Variants in YWHAE observed in about 807,000 individuals in gnomAD.
The protein encoded by YWHAE is tyrosine 3-monooxygenase/tryptophan 5-monooxygenase activation protein epsilon, also known as 14-3-3 protein epsilon.
In YWHAE, 4 loss-of-function variants were observed where a neutral mutation model predicts 30.1. The ratio of observed to expected loss-of-function variants is 0.13; its 90% confidence interval spans 0.07 to 0.30. The LOEUF (loss-of-function observed/expected upper bound fraction) is 0.30, where lower values mean the gene tolerates loss of function less well. YWHAE is among the 10% of genes least tolerant of loss of function. The pLI, the probability that YWHAE is intolerant of heterozygous loss-of-function variation, is 1.00. For synonymous variants in YWHAE, 118 were observed against 111.8 expected, an observed-to-expected ratio of 1.06 and a Z score of -0.35; for missense variants, 121 against 315.9, an observed-to-expected ratio of 0.38 and a Z score of 4.68.
intron 1 of YWHAE, among the ~76,000 whole-genome samples, chr17:1,373,183 C>CG (rs2150861621): frequency 1.3e-5 from 2 of 150,714 alleles, no homozygotes; most frequent in South Asian, 4.2e-4. Context: ...GCGGAACTTG[C>CG]GGTGAGCCAA....
At position 1,384,482 on chromosome 17, in the gene YWHAE, G is replaced by C. The variant is rs2073269010; in HGVS notation, c.64+15565C>G. 5.3e-5 allele frequency among the ~76,000 whole-genome samples: 8 copies of C among 151,148 alleles called. No homozygotes were observed. The South Asian group carries it at 1.3e-3, about 24-fold the overall frequency. On this transcript the variant is annotated intron_variant, in intron 1 of 5. Coordinates refer to ENST00000264335, the MANE Select transcript of YWHAE (RefSeq NM_006761.5). The stretch of plus-strand genomic sequence containing the variant: ...CAAGGCGGGCAGATCACAACGTCAG[G>C]AGATCAAGACCATCCTGGCTAACAC...
intron 1 of YWHAE, among the ~76,000 whole-genome samples, chr17:1,366,794 T>C (rs971293751): frequency 6.6e-6 from 1 of 151,852 alleles, no homozygotes; most frequent in African/African-American, 2.4e-5. Context: ...ATACAAAAAT[T>C]AGCTGGGCAT....
At chr17:1,359,396 C>T (rs532154025) in intron 4 of YWHAE, among the ~76,000 whole-genome samples, 2 of 152,082 alleles carry the variant, frequency 1.3e-5, no homozygotes, top group Non-Finnish European at 2.9e-5. Flanking sequence ...ACTTAGTGCA[C>T]CCATTTTCAT....
Position 1,347,981 on chromosome 17 carries a change from AG to A in YWHAE, c.716-2483del, listed in dbSNP as rs1217623357. 8 of 1,012,220 alleles carry A rather than the reference AG, an allele frequency of 7.9e-6. No homozygotes were observed. In the East Asian group the frequency reaches 4.9e-4, roughly 62 times the overall value. 62.7% of individuals were successfully genotyped at this position (1,012,220 alleles called of 1,614,324 possible). ...ACTTACAAAGTAGAGTTTTTAGGAA[AG>A]GAAGAGTTGGGTTTTCCTTTAGGAA... On this transcript the variant is annotated intron_variant, in intron 5 of 5. Coordinates refer to ENST00000264335, the MANE Select transcript of YWHAE (RefSeq NM_006761.5).
chr17:1,382,238 T>TG (rs1368575739), intron 1 of YWHAE, among the ~76,000 whole-genome samples: 1 of 148,354 alleles, frequency 6.7e-6, no homozygotes, highest in Non-Finnish European at 1.5e-5. Flanking sequence ...TTAGTAGAGA[T>TG]GGGGTTTCAC....
rs1491196737 is a variant in YWHAE, at chr17:1,388,117, G to GTTTTTTTT, written c.64+11929_64+11930insAAAAAAAA. ...GTAATTTTTGTTTTTTTTTTTGGTT[G>GTTTTTTTT]GTTTTTTTTTTTTTTTTTTTTTTTT... On this transcript the variant is annotated intron_variant, in intron 1 of 5. Coordinates refer to ENST00000264335, the MANE Select transcript of YWHAE (RefSeq NM_006761.5). Among the ~76,000 whole-genome samples the GTTTTTTTT allele has an allele frequency of 2.0e-4, 13 of 65,106 alleles. 1 individual carries two copies. The highest frequency in any genetic ancestry group is 2.8e-4 in the Non-Finnish European group (12 of 43,102). 42.7% of individuals were successfully genotyped at this position (65,106 alleles called of 152,430 possible). A position where few individuals can be genotyped will look rare whatever the true frequency, so the allele number is the denominator to read the frequency against.
chr17:1,382,152 C>T (rs1229511395), intron 1 of YWHAE, among the ~76,000 whole-genome samples: 1 of 151,788 alleles, frequency 6.6e-6, no homozygotes, highest in Non-Finnish European at 1.5e-5. Context: ...GGGTTCACGC[C>T]ATTCTCCTGC....
At chr17:1,389,608 G>GCTT (rs2073358973) in intron 1 of YWHAE, among the ~76,000 whole-genome samples, 1 of 149,742 alleles carries the variant, frequency 6.7e-6, no homozygotes, top group Non-Finnish European at 1.5e-5. Context: ...CTGGCTCACT[G>GCTT]CAAGCTCCGC....
intron 1 of YWHAE, among the ~76,000 whole-genome samples, chr17:1,387,355 G>C (rs936605858): frequency 1.8e-4 from 27 of 152,158 alleles, no homozygotes; most frequent in African/African-American, 6.3e-4. Flanking sequence ...GAAAATAAGA[G>C]GCTGGGGAGA....
rs1168988608 is a variant in YWHAE at position 1,388,127 on chromosome 17, T to TG, written c.64+11919_64+11920insC. 1.4e-4 allele frequency among the ~76,000 whole-genome samples: 14 copies of TG among 99,092 alleles called. No homozygotes were observed. In the South Asian group the frequency reaches 2.9e-3, roughly 20 times the overall value. 65.0% of individuals were successfully genotyped at this position (99,092 alleles called of 152,430 possible). The stretch of plus-strand genomic sequence containing the variant: ...TTTTTTTTTTTGGTTGGTTTTTTTT[T>TG]TTTTTTTTTTTTTTTAGTAGAGACG... On this transcript the variant is annotated intron_variant, in intron 1 of 5. Coordinates refer to ENST00000264335, the MANE Select transcript of YWHAE (RefSeq NM_006761.5).
intron 1 of YWHAE, among the ~76,000 whole-genome samples, chr17:1,365,683 G>A (rs776190627): frequency 2.0e-5 from 3 of 152,178 alleles, no homozygotes; most frequent in Non-Finnish European, 4.4e-5. Context: ...AACGGCGTGT[G>A]AATGCAAAGC....
intron 1 of YWHAE, among the ~76,000 whole-genome samples, chr17:1,387,731 T>G (rs1358661585): frequency 2.0e-5 from 3 of 151,978 alleles, no homozygotes; most frequent in Non-Finnish European, 1.5e-5. Context: ...CAAGCGATTC[T>G]GCTGCCTCAG....
intron 1 of YWHAE, among the ~76,000 whole-genome samples, chr17:1,377,860 C>A (rs1275357947): frequency 2.0e-5 from 3 of 152,108 alleles, no homozygotes; most frequent in African/African-American, 7.2e-5. Context: ...ACCAGCCTGG[C>A]CAACATGGTG....
Position 1,391,934 on chromosome 17 carries a change from T to C in YWHAE, c.64+8113A>G, listed in dbSNP as rs551016399. On this transcript the variant is annotated intron_variant, in intron 1 of 5. Transcript: ENST00000264335. ...CCAGGCCTCTACCAAAAAAATTTTT[T>C]TGCCAGCCATGGTGGCTCACGCCTG... 2.0e-5 allele frequency among the ~76,000 whole-genome samples: 3 copies of C among 152,280 alleles called. No homozygotes were observed. In the South Asian group the frequency reaches 6.2e-4, roughly 32 times the overall value.
At chr17:1,395,056 T>C (rs1169681984) in intron 1 of YWHAE, among the ~76,000 whole-genome samples, 1 of 151,264 alleles carries the variant, frequency 6.6e-6, no homozygotes, top group Non-Finnish European at 1.5e-5. Flanking sequence ...AAAGAAAAAA[T>C]ATGCCTGCAG....
At position 1,369,073 on chromosome 17, in the gene YWHAE, G is replaced by A. The variant is rs533247543; in HGVS notation, c.65-4015C>T. On this transcript the variant is annotated intron_variant, in intron 1 of 5. Transcript: ENST00000264335. ...TGATACTCTACTGTTCCAGATTCAAGCATAAATGCTTTCATTTTTACATAT... is the reference window on the plus strand; with the variant it reads ...TGATACTCTACTGTTCCAGATTCAAACATAAATGCTTTCATTTTTACATAT... Among the ~76,000 whole-genome samples, 6 of 152,264 alleles carry A rather than the reference G, an allele frequency of 3.9e-5. No individual in the cohort carries two copies. The East Asian group carries it at 1.2e-3, about 29-fold the overall frequency.
chr17:1,362,235 T>TGCAG (rs1357695720), intron 2 of YWHAE, among the ~76,000 whole-genome samples: 1 of 152,026 alleles, frequency 6.6e-6, no homozygotes, highest in African/African-American at 2.4e-5. Context: ...CACACACACA[T>TGCAG]GCAGGCACGC....
intron 1 of YWHAE, among the ~76,000 whole-genome samples, chr17:1,377,230 G>A (rs1313337657): frequency 6.6e-6 from 1 of 152,050 alleles, no homozygotes; most frequent in Non-Finnish European, 1.5e-5. Flanking sequence ...CTGATTTTAA[G>A]GGCAGAAAAA....
chr17:1,354,092 G>C (rs1598227538), intron 5 of YWHAE, 119 bp downstream of exon 5: 2 of 1,297,786 alleles, frequency 1.5e-6, no homozygotes, highest in East Asian at 2.4e-5. Context: ...ATTTCATAGA[G>C]GGCAGGCGGT....
Sources: allele counts gnomAD v4.1 joint callset (sites outside exome capture counted in the v4.1 genomes callset), GRCh38; gene constraint gnomAD v4.1.1; transcripts MANE v1.5; gene names NCBI Gene and HGNC (gene_info 2026-07-23, HGNC 2026-07-21).